ACAT2: variants seen among roughly 807,000 people sequenced by gnomAD.
The protein encoded by ACAT2 is acetyl-CoA acetyltransferase 2, also known as acetyl-CoA acetyltransferase, cytosolic.
Under a neutral mutation model 37.1 loss-of-function variants are expected in ACAT2, and 26 were observed. The ratio of observed to expected loss-of-function variants is 0.70; its 90% CI spans 0.51 to 0.97. ACAT2 has a LOEUF of 0.97. Ranked by LOEUF, ACAT2 falls within the 50% of genes least tolerant of loss-of-function variation. The pLI is 0.00. For missense variants in ACAT2, 468 were observed against 489.0 expected (o/e 0.96, Z 0.40); for synonymous variants, 156 against 163.6 (o/e 0.95, Z 0.35).
chr6:159,777,314 G>C lies in ACAT2; in HGVS notation c.770G>C (p.Gly257Ala). 1 of 1,613,386 alleles carries C rather than the reference G, an allele frequency of 6.2e-7. No individual in the cohort carries two copies. The highest frequency in any genetic ancestry group is 8.5e-7 in the Non-Finnish European group (1 of 1,179,728). ...TCATATTTTACAGGAATAAATGATG[G>C]TGCTGCAGCTGTCGTTCTTATGAAG... Reference protein sequence around the residue: ...TPANASGINDGAAAVVLMKKS... With the variant: ...TPANASGINDAAAAVVLMKKS... Residue 257 changes from glycine (G) to alanine (A), a missense_variant, in exon 7 of 9, where the codon GGT becomes GCT. Transcript: ENST00000367048.
intron 2 of ACAT2, among the ~76,000 whole-genome samples, chr6:159,766,152 G>C (rs1288688466): frequency 1.3e-5 from 2 of 152,136 alleles, no homozygotes; most frequent in Non-Finnish European, 2.9e-5. Flanking sequence ...GAGAAAAAAA[G>C]GTATTTGTGA....
intron 8 of ACAT2, 109 bp from the exon 9 acceptor site, chr6:159,778,550 G>C: frequency 9.7e-6 from 12 of 1,236,340 alleles, no homozygotes; most frequent in Non-Finnish European, 1.2e-5. Context: ...ATGAAAATTT[G>C]AGTTTGAAAG....
At chr6:159,763,290 C>T (rs1221280696) in intron 2 of ACAT2, among the ~76,000 whole-genome samples, 1 of 152,136 alleles carries the variant, frequency 6.6e-6, no homozygotes, top group Non-Finnish European at 1.5e-5. Context: ...GGGTGGCTCC[C>T]GCCTGTAATC....
chr6:159,777,427 A>G lies in ACAT2; in HGVS notation c.883A>G (p.Ile295Val), dbSNP rs986190774. Residue 295 changes from isoleucine (I) to valine (V), a missense_variant, in exon 7 of 9, where the codon ATA becomes GTA. Ile to Val is a conservative substitution (Grantham distance 29, BLOSUM62 3). Transcript: ENST00000367048. ...QVGVEPSIMG[I>V]GPIPAIKQAV... is the part of the protein sequence containing the mutation. ...GGGTGTGGAGCCTTCCATTATGGGA[A>G]TAGGACCAATTCCAGCCATAAAGCA... 7 of 1,613,854 alleles carry G rather than the reference A, an allele frequency of 4.3e-6. No homozygotes were observed. The highest frequency in any genetic ancestry group is 5.9e-6 in the Non-Finnish European group (7 of 1,179,984).
In ACAT2 at chr6:159,762,114, C is replaced by T. The variant is rs1254230412; in HGVS notation, c.27C>T (p.Val9=). MNAGSDPV[V]IVSAARTIIG... is the part of the protein sequence containing the mutation. ...TGAATGCAGGCTCAGATCCTGTGGT[C>T]ATCGTCTCGGCGGCGCGGACCATCA... The change falls in exon 1 of 9, where the codon GTC becomes GTT. Residue 9 remains valine (V), a synonymous_variant. Transcript: ENST00000367048. 2 of 1,613,142 alleles carry T rather than the reference C, an allele frequency of 1.2e-6. No homozygotes were observed. The highest frequency in any genetic ancestry group is 1.7e-4 in the Middle Eastern group (1 of 6,046).
intron 4 of ACAT2, among the ~76,000 whole-genome samples, chr6:159,772,634 G>A (rs1780355161): frequency 6.6e-6 from 1 of 151,940 alleles, no homozygotes; most frequent in East Asian, 1.9e-4. Flanking sequence ...ATATATAAGA[G>A]AATAGCTTTT....
intron 2 of ACAT2, 144 bp from the exon 3 acceptor site, chr6:159,766,861 C>G (rs768511520): frequency 1.4e-4 from 118 of 851,612 alleles, no homozygotes; most frequent in Non-Finnish European, 2.1e-4. Flanking sequence ...GTATACAGGC[C>G]TTTTTGCCTC....
At chr6:159,766,202 G>C (rs1291714684) in intron 2 of ACAT2, among the ~76,000 whole-genome samples, 2 of 152,176 alleles carry the variant, frequency 1.3e-5, no homozygotes, top group East Asian at 3.8e-4. Context: ...AACCATTTAA[G>C]CATAGTGTAA....
chr6:159,769,945 G>A (rs1780310342), intron 4 of ACAT2, among the ~76,000 whole-genome samples: 1 of 152,230 alleles, frequency 6.6e-6, no homozygotes, highest in African/African-American at 2.4e-5. Flanking sequence ...CAAAGGAGAG[G>A]TGAACTGGAG....
chr6:159,769,997 G>A (rs1204490706), intron 4 of ACAT2, among the ~76,000 whole-genome samples: 1 of 152,214 alleles, frequency 6.6e-6, no homozygotes, highest in African/African-American at 2.4e-5. Context: ...GGACAAGCGA[G>A]TGGAAACCTT....
At chr6:159,777,696 C>T (rs185590861) in intron 7 of ACAT2, among the ~76,000 whole-genome samples, 2 of 152,178 alleles carry the variant, frequency 1.3e-5, no homozygotes, top group African/African-American at 4.8e-5. Context: ...CTCCCATTAC[C>T]TCGAACTACA....
intron 1 of ACAT2, 22 bp from the exon 2 acceptor site, chr6:159,762,897 G>T: frequency 6.2e-7 from 1 of 1,606,170 alleles, no homozygotes. Context: ...TGATGTCCAC[G>T]CTCTCCGCCT....
chr6:159,763,101 C>T (rs1780181594), intron 2 of ACAT2, 48 bp downstream of exon 2: 1 of 1,577,126 alleles, frequency 6.3e-7, no homozygotes, highest in South Asian at 1.2e-5. Flanking sequence ...AGAAACAGCC[C>T]ATAAACACAC....
Position 159,778,159 on chromosome 6 carries a change from C to CT in ACAT2, c.913-8dup. The stretch of plus-strand genomic sequence containing the variant: ...AAGTTTAGACCTCTTTTCTATGAAT[C>CT]TTTCCTCTAGGTTACAAAAGCAGGT... On this transcript the variant is annotated splice_polypyrimidine_tract_variant and intron_variant, in intron 7 of 8. Transcript: ENST00000367048. 6.3e-7 allele frequency: 1 copy of CT among 1,587,002 alleles called. No homozygotes were observed. The highest frequency in any genetic ancestry group is 1.4e-5 in the African/African-American group (1 of 74,070).
chr6:159,774,237 C>G (rs1780380506), intron 4 of ACAT2, among the ~76,000 whole-genome samples: 3 of 152,198 alleles, frequency 2.0e-5, no homozygotes, highest in Admixed American at 2.0e-4. Flanking sequence ...AACAAAAGAA[C>G]TCGCCCATGT....
At chr6:159,776,307 A>G (rs781278704) in intron 6 of ACAT2, 35 bp downstream of exon 6, 3 of 1,598,512 alleles carry the variant, frequency 1.9e-6, no homozygotes, top group Admixed American at 3.6e-5. Context: ...GGGGAATACT[A>G]TGTTCTATAA....
chr6:159,769,537 A>G (rs970394690), intron 4 of ACAT2, among the ~76,000 whole-genome samples: 2 of 152,278 alleles, frequency 1.3e-5, no homozygotes, highest in Non-Finnish European at 2.9e-5. Context: ...GGCTCAGGTC[A>G]TGATGGAGTA....
At chr6:159,778,422 TTTAAAA>T (rs75848694) in intron 8 of ACAT2, 142 bp downstream of exon 8, 7,862 of 434,794 alleles carry the variant, frequency 0.018, 46 homozygotes, top group South Asian at 0.033. Context: ...CTTCCCAAGG[TTTAAAA>T]AAAAAAAAAA....
rs140563051 is a variant in ACAT2, at chr6:159,763,043, C to T, written c.180C>T (p.Val60=). 6 of 1,611,408 alleles carry T rather than the reference C, an allele frequency of 3.7e-6. No homozygotes were observed. Among genetic ancestry groups the T allele is most frequent in the East Asian group, 2.2e-5 (1 of 44,872 alleles). Reference sequence around the variant, plus strand: ...TGTCTGAGGTCATCTTTGGACATGTCTTGGCAGCAGGTAAGTCTCAGTGAT... The same window carrying T: ...TGTCTGAGGTCATCTTTGGACATGTTTTGGCAGCAGGTAAGTCTCAGTGAT... The part of the protein sequence containing the change: ...EDVSEVIFGH[V]LAAGCGQNPV... Residue 60 remains valine, a synonymous_variant, in exon 2 of 9, where the codon GTC becomes GTT. Transcript: ENST00000367048.
Sources: allele counts gnomAD v4.1 joint callset (sites outside exome capture counted in the v4.1 genomes callset), GRCh38; gene constraint gnomAD v4.1.1; transcripts MANE v1.5; gene names NCBI Gene and HGNC (gene_info 2026-07-23, HGNC 2026-07-21).